CCSER1: variants seen among roughly 807,000 people sequenced by gnomAD.
CCSER1 encodes the protein serine-rich coiled-coil domain-containing protein 1.
Under a neutral mutation model 82.0 loss-of-function variants are expected in CCSER1, and 41 were observed. The observed-to-expected ratio is 0.50, with a 90% CI of 0.39 to 0.65. The LOEUF (loss-of-function observed/expected upper bound fraction) is 0.65. Ranked by LOEUF, CCSER1 falls within the 30% of genes least tolerant of loss-of-function variation. The pLI is 0.00. For synonymous variants in CCSER1, 414 were observed against 383.9 expected (o/e 1.08, Z -0.92); for missense variants, 1,119 against 1,064.2 (o/e 1.05, Z -0.72).
chr4:90,445,492 C>T (rs1760523346), intron 4 of CCSER1, among the ~76,000 whole-genome samples: 1 of 151,958 alleles, frequency 6.6e-6, no homozygotes, highest in South Asian at 2.1e-4. Context: ...TTTAGATGTA[C>T]GTGACTGCTT....
chr4:90,889,026 A>G (rs1722570375), intron 8 of CCSER1, among the ~76,000 whole-genome samples: 1 of 152,178 alleles, frequency 6.6e-6, no homozygotes, highest in Non-Finnish European at 1.5e-5. Flanking sequence ...TTACTGTTAA[A>G]AATAATACGT....
chr4:91,271,230 A>G (rs1007445545), intron 10 of CCSER1, among the ~76,000 whole-genome samples: 4 of 152,184 alleles, frequency 2.6e-5, no homozygotes, highest in African/African-American at 7.2e-5. Flanking sequence ...TTAACTGGTC[A>G]TAAGTTACTT....
chr4:90,549,813 A>G (rs781250280), intron 5 of CCSER1, among the ~76,000 whole-genome samples: 1 of 152,068 alleles, frequency 6.6e-6, no homozygotes, highest in Non-Finnish European at 1.5e-5. Flanking sequence ...ACTGTTCTAT[A>G]GGAGACCACA....
intron 10 of CCSER1, among the ~76,000 whole-genome samples, chr4:91,094,041 A>G (rs186921093): frequency 6.6e-6 from 1 of 152,182 alleles, no homozygotes; most frequent in Non-Finnish European, 1.5e-5. Flanking sequence ...TGCTGTCTGC[A>G]GATCTGAGCT....
intron 8 of CCSER1, among the ~76,000 whole-genome samples, chr4:90,919,048 T>C (rs1040177572): frequency 9.3e-6 from 1 of 107,660 alleles, no homozygotes; most frequent in Non-Finnish European, 1.8e-5. Flanking sequence ...TTACAGGAAA[T>C]ACATTGGTAA....
At chr4:90,138,635 A>G (rs1724153446) in intron 1 of CCSER1, among the ~76,000 whole-genome samples, 2 of 152,320 alleles carry the variant, frequency 1.3e-5, no homozygotes, top group East Asian at 3.9e-4. Flanking sequence ...GAGAATGGAG[A>G]TCAAAGGAGA....
At chr4:90,180,308 G>T (rs1733495317) in intron 1 of CCSER1, among the ~76,000 whole-genome samples, 1 of 151,946 alleles carries the variant, frequency 6.6e-6, no homozygotes, top group Admixed American at 6.6e-5. Flanking sequence ...ATAATTGATG[G>T]CCAGATGCGG....
At chr4:90,879,970 G>A (rs1003043927) in intron 8 of CCSER1, among the ~76,000 whole-genome samples, 1 of 152,134 alleles carries the variant, frequency 6.6e-6, no homozygotes, top group African/African-American at 2.4e-5. Flanking sequence ...TTTTGTCTCT[G>A]GTTTTGGAAG....
intron 10 of CCSER1, among the ~76,000 whole-genome samples, chr4:91,304,113 T>C (rs1744870872): frequency 6.6e-6 from 1 of 152,030 alleles, no homozygotes; most frequent in Non-Finnish European, 1.5e-5. Context: ...AAAAATTTAC[T>C]AGTGATCTTG....
intron 10 of CCSER1, among the ~76,000 whole-genome samples, chr4:91,163,279 C>CACTATGGTCTTA (rs1731642024): frequency 6.6e-6 from 1 of 152,192 alleles, no homozygotes; most frequent in Non-Finnish European, 1.5e-5. Context: ...AGTTTGAGTA[C>CACTATGGTCTTA]ACTATGGTCT....
intron 4 of CCSER1, among the ~76,000 whole-genome samples, chr4:90,462,480 C>T (rs1763069766): frequency 6.6e-6 from 1 of 152,140 alleles, no homozygotes; most frequent in South Asian, 2.1e-4. Flanking sequence ...AGACTATGGA[C>T]TTTACATGTA....
At chr4:91,548,413 TAA>T (rs1202114391) in intron 10 of CCSER1, among the ~76,000 whole-genome samples, 2 of 152,146 alleles carry the variant, frequency 1.3e-5, no homozygotes, top group African/African-American at 4.8e-5. Context: ...ATATGCAAAA[TAA>T]GTTTTTATTT....
chr4:91,436,772 T>A (rs1754679974), intron 10 of CCSER1, among the ~76,000 whole-genome samples: 1 of 152,136 alleles, frequency 6.6e-6, no homozygotes, highest in Non-Finnish European at 1.5e-5. Context: ...CAGATGGATC[T>A]AAATTAGGAA....
At chr4:91,575,031 A>C (rs1763378137) in intron 10 of CCSER1, among the ~76,000 whole-genome samples, 1 of 152,104 alleles carries the variant, frequency 6.6e-6, no homozygotes, top group Non-Finnish European at 1.5e-5. Context: ...GGTCAATGAA[A>C]GAGAATAGAA....
chr4:90,700,896 T>C lies in CCSER1; in HGVS notation c.1933-23018T>C, dbSNP rs191960518. On this transcript the variant is annotated intron_variant, in intron 6 of 10. Transcript: ENST00000509176. ...TTCTGGTTATTAGCCCTTTGTCAGA[T>C]GAGTAGACTGCAAAAATTTTCTCCC... 5.0e-4 allele frequency among the ~76,000 whole-genome samples: 76 copies of C among 152,312 alleles called. 2 individuals carry two copies. In the East Asian group the frequency reaches 0.014, roughly 27 times the overall value.
At chr4:91,075,458 T>A (rs907180139) in intron 9 of CCSER1, among the ~76,000 whole-genome samples, 4 of 152,146 alleles carry the variant, frequency 2.6e-5, no homozygotes, top group Non-Finnish European at 5.9e-5. Context: ...ATATTACATT[T>A]ATATATGGTT....
At chr4:90,220,439 A>C (rs1487770784) in intron 1 of CCSER1, among the ~76,000 whole-genome samples, 1 of 151,762 alleles carries the variant, frequency 6.6e-6, no homozygotes, top group Non-Finnish European at 1.5e-5. Flanking sequence ...CCTGCACATG[A>C]ATATATATTT....
At chr4:90,927,554 C>T (rs1242465859) in intron 9 of CCSER1, among the ~76,000 whole-genome samples, 1 of 151,952 alleles carries the variant, frequency 6.6e-6, no homozygotes. Context: ...AATGGATGCT[C>T]ATACCACTGT....
At chr4:91,333,009 A>G (rs1560594873) in intron 10 of CCSER1, among the ~76,000 whole-genome samples, 1 of 152,056 alleles carries the variant, frequency 6.6e-6, no homozygotes, top group Non-Finnish European at 1.5e-5. Flanking sequence ...CTTAACTCTC[A>G]TGGGAGAATG....
Sources: allele counts gnomAD v4.1 joint callset (sites outside exome capture counted in the v4.1 genomes callset), GRCh38; gene constraint gnomAD v4.1.1; transcripts MANE v1.5; gene names NCBI Gene and HGNC (gene_info 2026-07-23, HGNC 2026-07-21).